The following GP6 variants were observed in gnomAD, a reference collection of about 807,000 sequenced individuals.
GP6 encodes the protein glycoprotein VI platelet, also known as platelet glycoprotein VI.
In GP6, 45 loss-of-function variants were observed where a neutral mutation model predicts 37.3. The observed-to-expected ratio is 1.21, with a 90% CI of 0.95 to 1.55. GP6 has a LOEUF of 1.55. Ranked by LOEUF, GP6 falls within the 40% of genes most tolerant of loss-of-function variation. The pLI is 0.00. For synonymous variants in GP6, 340 were observed against 316.4 expected, an observed-to-expected ratio of 1.07 and a Z score of -0.79; for missense variants, 813 against 760.2, an observed-to-expected ratio of 1.07 and a Z score of -0.82.
At chr19:55,024,318 A>ACACTTGCACGCATG (rs2074209107) in intron 5 of GP6, among the ~76,000 whole-genome samples, 1 of 124,046 alleles carries the variant, frequency 8.1e-6, no homozygotes, top group African/African-American at 3.7e-5. Context: ...ATATGCACGC[A>ACACTTGCACGCATG]CACACACATA....
intron 6 of GP6, among the ~76,000 whole-genome samples, chr19:55,017,486 G>A (rs1015824548): frequency 2.0e-5 from 3 of 152,048 alleles, no homozygotes; most frequent in Admixed American, 1.3e-4. Context: ...CAGCCTGGAC[G>A]GTCAAGGCTT....
chr19:55,020,219 TC>T (rs2074029183), intron 5 of GP6, among the ~76,000 whole-genome samples: 2 of 136,220 alleles, frequency 1.5e-5, no homozygotes, highest in South Asian at 2.3e-4. Flanking sequence ...TTTTTTTTTT[TC>T]AATTAAAATT....
rs920561597 is a variant in GP6, at chr19:55,032,813, C to T, written c.35-275G>A. ...GGCTGGGGGTGGTGGGAGAGGAGGG[C>T]AAGGCATGGTGGCGTACTGCTCTCT... is the stretch of plus-strand genomic sequence containing the variant. On this transcript the variant is annotated intron_variant, in intron 1 of 7. Transcript: ENST00000310373. 5 of 603,876 alleles carry T rather than the reference C, an allele frequency of 8.3e-6. No homozygotes were observed. The African/African-American group carries it at 9.3e-5, about 11-fold the overall frequency. The allele number at this position is 603,876 out of a possible 1,614,324, so 37.4% of individuals were successfully genotyped here.
Position 55,025,219 on chromosome 19 carries a change from T to A in GP6, c.663A>T (p.Ala221=). Residue 221 remains alanine (A), a splice_region_variant and synonymous_variant, in exon 5 of 8, where the codon GCA becomes GCT. Transcript: ENST00000310373. ...CAGAATGGACCCTGCAGAACCTACC[T>A]GCTACCGGGGAAGGTGGTTCTGTTG... The A allele has an allele frequency of 6.5e-7, 1 of 1,536,460 alleles. No individual in the cohort carries two copies. Among genetic ancestry groups the A allele is most frequent in the Non-Finnish European group, 8.8e-7 (1 of 1,132,728 alleles).
intron 5 of GP6, among the ~76,000 whole-genome samples, chr19:55,024,309 T>TGCACGCACACACACACAC (rs1357661954): frequency 7.7e-6 from 1 of 129,950 alleles, no homozygotes; most frequent in Non-Finnish European, 1.6e-5. Context: ...TGCACACACA[T>TGCACGCACACACACACAC]ATGCACGCAC....
chr19:55,037,792 C>T (rs1040680236), intron 1 of GP6, among the ~76,000 whole-genome samples: 8 of 150,236 alleles, frequency 5.3e-5, no homozygotes, highest in African/African-American at 2.0e-4. Context: ...CCATCACGCC[C>T]GGCTAATTTT....
chr19:55,035,691 T>C (rs949798758), intron 1 of GP6, among the ~76,000 whole-genome samples: 10 of 151,776 alleles, frequency 6.6e-5, no homozygotes, highest in African/African-American at 2.4e-4. Flanking sequence ...CGCTCCAGTC[T>C]GGGCAACAGA....
chr19:55,031,879 G>A lies in GP6; in HGVS notation c.325+260C>T, dbSNP rs1625689. 4.6e-3 allele frequency among the ~76,000 whole-genome samples: 705 copies of A among 152,116 alleles called. 8 individuals carry two copies. The highest frequency in any genetic ancestry group is 0.016 in the African/African-American group (673 of 41,496). On this transcript the variant is annotated intron_variant, in intron 3 of 7. Transcript: ENST00000310373. The stretch of plus-strand genomic sequence containing the variant: ...TCCTAGCTACTTGGAGGGCTGAGGC[G>A]GGAGAATCGCTTGAGCCCTGGAGGT...
intron 1 of GP6, among the ~76,000 whole-genome samples, chr19:55,035,656 G>T (rs1158417997): frequency 6.6e-6 from 1 of 151,978 alleles, no homozygotes; most frequent in Non-Finnish European, 1.5e-5. Flanking sequence ...GGTGGAGGTT[G>T]CAGTGAGCCA....
At chr19:55,034,139 T>TGC (rs1418096938) in intron 1 of GP6, among the ~76,000 whole-genome samples, 10 of 129,396 alleles carry the variant, frequency 7.7e-5, no homozygotes, top group South Asian at 5.0e-4. Flanking sequence ...TGTATATGTA[T>TGC]ATATGTATGC....
intron 5 of GP6, among the ~76,000 whole-genome samples, chr19:55,024,338 A>G (rs13346391): frequency 2.2e-4 from 4 of 18,016 alleles, no homozygotes; most frequent in Admixed American, 7.9e-4. Flanking sequence ...ATGCACGCAC[A>G]CACGCACATG....
intron 4 of GP6, 90 bp from the exon 5 acceptor site, chr19:55,025,361 C>T: frequency 1.2e-6 from 1 of 847,758 alleles, no homozygotes; most frequent in East Asian, 2.6e-5. Context: ...AGTTTCCTCA[C>T]CGGAAAAATG....
rs149765400 is a variant in GP6, at chr19:55,025,583, G to C, written c.611-312C>G. Among the ~76,000 whole-genome samples the C allele has an allele frequency of 6.7e-3, 1,020 of 152,248 alleles. 8 individuals are homozygous for C. The highest frequency in any genetic ancestry group is 0.011 in the Non-Finnish European group (724 of 68,016). Reference sequence around the variant, plus strand: ...TAGCCAGGCGTGGTGGTGTGCACCTGTAATCCCAGCTGCTCGGGAGGCTGA... The same window carrying C: ...TAGCCAGGCGTGGTGGTGTGCACCTCTAATCCCAGCTGCTCGGGAGGCTGA... On this transcript the variant is annotated intron_variant, in intron 4 of 7. Transcript: ENST00000310373.
intron 3 of GP6, among the ~76,000 whole-genome samples, chr19:55,028,614 T>C (rs2074399596): frequency 6.6e-6 from 1 of 152,210 alleles, no homozygotes; most frequent in South Asian, 2.1e-4. Context: ...ACACCTTGGA[T>C]ATATTCCATT....
Position 55,027,862 on chromosome 19 carries a change from C to T in GP6, c.326G>A (p.Gly109Glu), listed in dbSNP as rs41311975. 5.0e-6 allele frequency: 8 copies of T among 1,614,088 alleles called. No individual in the cohort carries two copies. Among genetic ancestry groups the T allele is most frequent in the Non-Finnish European group, 6.8e-6 (8 of 1,179,964 alleles). Reference sequence around the variant, plus strand: ...TGAGAGCGAGGGTTTGGCAAAAACTCCTGGGAGAAAAAGAAAGTCTGATGT... The same window carrying T: ...TGAGAGCGAGGGTTTGGCAAAAACTTCTGGGAGAAAAAGAAAGTCTGATGT... The change falls in exon 4 of 8, where the codon GGA (glycine) becomes GAA (glutamate). Residue 109 changes from glycine to glutamate, a missense_variant and splice_region_variant. Gly to Glu is a moderately conservative substitution (Grantham distance 98). Coordinates refer to ENST00000310373, the MANE Select transcript of GP6 (RefSeq NM_001083899.2).
At chr19:55,024,986 A>G (rs2074249876) in intron 5 of GP6, among the ~76,000 whole-genome samples, 1 of 152,220 alleles carries the variant, frequency 6.6e-6, no homozygotes, top group Non-Finnish European at 1.5e-5. Context: ...ATTCTTCTGC[A>G]TGTTATATGT....
Position 55,027,705 on chromosome 19 carries a change from G to C in GP6, c.483C>G (p.Tyr161Ter). The C allele has an allele frequency of 6.2e-7, 1 of 1,612,976 alleles. No individual in the cohort carries two copies. The change falls in exon 4 of 8, where the codon TAC becomes TAG. Residue 161 changes from tyrosine (Y) to a stop codon, truncating the protein, a stop_gained. Coordinates refer to ENST00000310373, the MANE Select transcript of GP6 (RefSeq NM_001083899.2). LOFTEE classifies it high-confidence loss of function. ...CCGTGATGATGGGAAAACTAGCCCT[G>C]TACCATCTCTCGGGATTCTTGTAGG...
chr19:55,024,176 CTTCTG>C (rs2074184521), intron 5 of GP6, among the ~76,000 whole-genome samples: 1 of 152,124 alleles, frequency 6.6e-6, no homozygotes. Flanking sequence ...ACATGGGATT[CTTCTG>C]TTCTATCATT....
chr19:55,014,728 CAGAG>C lies in GP6; in HGVS notation c.1213_1216del (p.Leu405ValfsTer2), dbSNP rs1171684667. On this transcript the variant is annotated frameshift_variant, in exon 8 of 8. Transcript: ENST00000310373. LOFTEE classifies it low-confidence loss of function (END_TRUNC). ...ATCCCAAATGGAGGGTGCCCTCAGA[CAGAG>C]AGGCAGACAGACAGACAGACACTGG... 2.5e-6 allele frequency: 4 copies of C among 1,612,946 alleles called. No homozygotes were observed. Among genetic ancestry groups the C allele is most frequent in the South Asian group, 1.1e-5 (1 of 90,962 alleles).
Sources: gnomAD v4.1 joint callset for allele counts (sites outside exome capture counted in the v4.1 genomes callset) on GRCh38, gnomAD v4.1.1 for gene constraint, MANE v1.5 for transcripts, NCBI Gene and HGNC (gene_info 2026-07-23, HGNC 2026-07-21) for gene names.